ADGRG7: variants seen among roughly 807,000 people sequenced by gnomAD.
ADGRG7 encodes the protein adhesion G protein-coupled receptor G7.
In ADGRG7, 82 loss-of-function variants were observed where a neutral mutation model predicts 88.6. That is an observed-to-expected ratio of 0.93 (90% CI 0.77 to 1.11). The LOEUF (loss-of-function observed/expected upper bound fraction) is 1.11, where lower values mean the gene tolerates loss of function less well. ADGRG7 is among the 50% of genes most tolerant of loss of function. The probability of loss-of-function intolerance (pLI) is 0.00; values close to 1 mark genes in which losing one functional copy is unlikely to be tolerated. For synonymous variants in ADGRG7, 381 were observed against 345.2 expected (o/e 1.10, Z -1.15); for missense variants, 945 against 953.4 (o/e 0.99, Z 0.12).
chr3:100,664,066 C>T (rs2149032848), intron 14 of ADGRG7, among the ~76,000 whole-genome samples: 1 of 152,104 alleles, frequency 6.6e-6, no homozygotes, highest in East Asian at 1.9e-4. Context: ...ATGTATTCAC[C>T]AATTCAAGCA....
chr3:100,635,428 C>G lies in ADGRG7; in HGVS notation c.448-249C>G, dbSNP rs888112420. Reference sequence around the variant, plus strand: ...CTGGCCCATGGATACACTCTAGTAGCCCCAATCTAGCTAAGGCAGCCCCTT... The same window carrying G: ...CTGGCCCATGGATACACTCTAGTAGGCCCAATCTAGCTAAGGCAGCCCCTT... On this transcript the variant is annotated intron_variant, in intron 4 of 15. Coordinates refer to ENST00000273352, the MANE Select transcript of ADGRG7 (RefSeq NM_032787.3). 2.1e-5 allele frequency: 12 copies of G among 575,874 alleles called. No individual in the cohort carries two copies. In the African/African-American group the frequency reaches 2.3e-4, roughly 11 times the overall value. The allele number at this position is 575,874 out of a possible 1,614,324, so 35.7% of individuals were successfully genotyped here. A position where few individuals can be genotyped will look rare whatever the true frequency, so the allele number is the denominator to read the frequency against.
intron 6 of ADGRG7, 128 bp from the exon 7 acceptor site, chr3:100,643,138 C>A (rs944280496): frequency 3.7e-6 from 3 of 804,102 alleles, no homozygotes; most frequent in Middle Eastern, 2.4e-4. Flanking sequence ...TATTCTTAGG[C>A]AATTGTCAAT....
At position 100,647,157 on chromosome 3, in the gene ADGRG7, G is replaced by A. The variant is rs1292327008; in HGVS notation, c.1266+433G>A. Reference sequence around the variant, plus strand: ...GGGTGACAGAGTGAGACTCTGTCTCGAAAACAAAAACAAAACAAACAAAAA... The same window carrying A: ...GGGTGACAGAGTGAGACTCTGTCTCAAAAACAAAAACAAAACAAACAAAAA... On this transcript the variant is annotated intron_variant, in intron 10 of 15. Transcript: ENST00000273352. Among the ~76,000 whole-genome samples the A allele has an allele frequency of 4.6e-5, 7 of 152,050 alleles. No homozygotes were observed. The South Asian group carries it at 6.2e-4, about 14-fold the overall frequency.
Position 100,667,099 on chromosome 3 carries a change from C to T in ADGRG7, c.1980-1850C>T, listed in dbSNP as rs563708610. On this transcript the variant is annotated intron_variant, in intron 14 of 15. Transcript: ENST00000273352. The stretch of plus-strand genomic sequence containing the variant: ...TGATCTCTCTTGCTTTTCCCCACAC[C>T]GCCTCCTGGGTTCAAGCAATTCTCT... Among the ~76,000 whole-genome samples the T allele has an allele frequency of 5.3e-5, 8 of 152,156 alleles. No individual in the cohort carries two copies. The South Asian group carries it at 6.2e-4, about 12-fold the overall frequency.
chr3:100,651,402 G>C (rs1039104565), intron 11 of ADGRG7, among the ~76,000 whole-genome samples: 1 of 152,178 alleles, frequency 6.6e-6, no homozygotes, highest in Non-Finnish European at 1.5e-5. Context: ...TGGTCCCATA[G>C]GGATGAGTCA....
chr3:100,665,003 G>A (rs986758689), intron 14 of ADGRG7: 30 of 421,320 alleles, frequency 7.1e-5, no homozygotes, highest in African/African-American at 5.9e-4. Context: ...TCTGGTTCCA[G>A]TATGGTAGGG....
intron 11 of ADGRG7, among the ~76,000 whole-genome samples, chr3:100,654,035 G>A (rs990268251): frequency 6.6e-6 from 1 of 152,276 alleles, no homozygotes; most frequent in East Asian, 1.9e-4. Flanking sequence ...TGAGAGTCCT[G>A]CTACTAGGCT....
intron 14 of ADGRG7, among the ~76,000 whole-genome samples, chr3:100,666,615 G>C (rs530418787): frequency 2.0e-5 from 3 of 152,316 alleles, no homozygotes; most frequent in African/African-American, 7.2e-5. Context: ...GCAGGAGACA[G>C]ATGCCTTCCT....
At chr3:100,670,986 A>T (rs1022032732) in intron 15 of ADGRG7, among the ~76,000 whole-genome samples, 2 of 152,194 alleles carry the variant, frequency 1.3e-5, no homozygotes. Flanking sequence ...AGTCTTTGCT[A>T]TTGTGAATAG....
At chr3:100,611,727 A>G (rs1201897931) in intron 1 of ADGRG7, among the ~76,000 whole-genome samples, 1 of 152,226 alleles carries the variant, frequency 6.6e-6, no homozygotes, top group African/African-American at 2.4e-5. Flanking sequence ...AACCCGATGG[A>G]AAAGGAGAGG....
chr3:100,629,566 C>A, intron 1 of ADGRG7, 32 bp from the exon 2 acceptor site: 1 of 1,488,822 alleles, frequency 6.7e-7, no homozygotes, highest in Non-Finnish European at 9.4e-7. Flanking sequence ...TCAGCCAGTT[C>A]ATGACTATTC....
intron 10 of ADGRG7, among the ~76,000 whole-genome samples, chr3:100,648,098 A>G (rs1216934008): frequency 6.6e-6 from 1 of 152,170 alleles, no homozygotes; most frequent in Admixed American, 6.5e-5. Context: ...TTGATATCTT[A>G]AAGTCATAGG....
chr3:100,635,844 T>G lies in ADGRG7; in HGVS notation c.597+18T>G. 1.3e-6 allele frequency: 2 copies of G among 1,573,810 alleles called. No homozygotes were observed. The highest frequency in any genetic ancestry group is 1.2e-5 in the South Asian group (1 of 84,422). ...CACCTGAGGTAAAACTCACAGAGCT[T>G]TAAAAAAAATTTTTTTTTTATTTTT... On this transcript the variant is annotated intron_variant, in intron 5 of 15. Coordinates refer to ENST00000273352, the MANE Select transcript of ADGRG7 (RefSeq NM_032787.3).
In ADGRG7 at chr3:100,646,568, G is replaced by A. The variant is rs138383247; in HGVS notation, c.1111-1G>A. On this transcript the variant is annotated splice_acceptor_variant, in intron 9 of 15. Transcript: ENST00000273352. LOFTEE classifies it high-confidence loss of function. ...ATTGTAATTGTCTTATCAATTCATA[G>A]TACAACCAAAAAGAATTTCAACTCT... 6.2e-7 allele frequency: 1 copy of A among 1,611,210 alleles called. No homozygotes were observed. Among genetic ancestry groups the A allele is most frequent in the African/African-American group, 1.3e-5 (1 of 74,892 alleles).
rs758854996 is a variant in ADGRG7, at chr3:100,643,524, A to T, written c.839-2A>T. On this transcript the variant is annotated splice_acceptor_variant, in intron 7 of 15. Coordinates refer to ENST00000273352, the MANE Select transcript of ADGRG7 (RefSeq NM_032787.3). LOFTEE classifies it high-confidence loss of function. ...ACAATTCTACTCTTTCCCTTCTCAT[A>T]GGAGCTAGCAGTTCTCTAGTTTCTA... 1 of 1,611,696 alleles carries T rather than the reference A, an allele frequency of 6.2e-7. No individual in the cohort carries two copies. The highest frequency in any genetic ancestry group is 2.2e-5 in the East Asian group (1 of 44,862).
At chr3:100,686,299 CA>C (rs1395933244) in intron 15 of ADGRG7, among the ~76,000 whole-genome samples, 1 of 152,116 alleles carries the variant, frequency 6.6e-6, no homozygotes, top group African/African-American at 2.4e-5. Context: ...GAGTAGGTTC[CA>C]AAAATTTTCT....
intron 15 of ADGRG7, among the ~76,000 whole-genome samples, chr3:100,693,398 C>T (rs1227754120): frequency 2.0e-5 from 3 of 152,160 alleles, no homozygotes; most frequent in Non-Finnish European, 4.4e-5. Context: ...TCCAAGCACA[C>T]ACTGTCATAG....
intron 14 of ADGRG7, among the ~76,000 whole-genome samples, chr3:100,666,766 C>T (rs917709715): frequency 5.1e-4 from 77 of 152,174 alleles, no homozygotes; most frequent in Admixed American, 1.9e-3. Flanking sequence ...TGGGGAGAAA[C>T]CTTGGACAAT....
intron 6 of ADGRG7, among the ~76,000 whole-genome samples, chr3:100,641,191 CACAAATTCCAAAAAATG>C (rs1707636785): frequency 6.6e-6 from 1 of 152,056 alleles, no homozygotes; most frequent in South Asian, 2.1e-4. Flanking sequence ...GCCTGGGAAG[CACAAATTCCAAAAAATG>C]GAAGTCAATG....
Sources: allele counts gnomAD v4.1 joint callset (sites outside exome capture counted in the v4.1 genomes callset), GRCh38; gene constraint gnomAD v4.1.1; transcripts MANE v1.5; gene names NCBI Gene and HGNC (gene_info 2026-07-23, HGNC 2026-07-21).